SENP7: variants seen among roughly 807,000 people sequenced by gnomAD.
SENP7 encodes sentrin-specific protease 7.
In SENP7, 64 loss-of-function variants were observed where a neutral mutation model predicts 141.2. The ratio of observed to expected loss-of-function variants is 0.45; its 90% CI spans 0.37 to 0.56. SENP7 has a LOEUF of 0.56. Ranked by LOEUF, SENP7 falls within the 20% of genes least tolerant of loss-of-function variation. The probability of loss-of-function intolerance (pLI) is 0.00; values close to 1 mark genes in which losing one functional copy is unlikely to be tolerated. For missense variants in SENP7, 1,025 were observed against 1,212.2 expected (o/e 0.85, Z 2.29); for synonymous variants, 382 against 426.4 (o/e 0.90, Z 1.28).
chr3:101,326,956 T>G (rs2058916875), intron 23 of SENP7, among the ~76,000 whole-genome samples: 1 of 152,132 alleles, frequency 6.6e-6, no homozygotes, highest in African/African-American at 2.4e-5. Flanking sequence ...TATCTAGTCC[T>G]CTATTAAACT....
chr3:101,343,820 C>T lies in SENP7; in HGVS notation c.1972G>A (p.Val658Ile). Residue 658 changes from valine to isoleucine, a missense_variant, in exon 14 of 24, where the codon GTT becomes ATT. Coordinates refer to ENST00000394095, the MANE Select transcript of SENP7 (RefSeq NM_020654.5). ...ELELSYPLSWVQAFPLFQNLS... is the reference protein window; with the variant it reads ...ELELSYPLSWIQAFPLFQNLS... The stretch of plus-strand genomic sequence containing the variant: ...TTCTGAAACAAAGGAAATGCCTGAA[C>T]CCAAGACAACGGGTAAGAAAGCTCT... 1 of 1,613,876 alleles carries T rather than the reference C, an allele frequency of 6.2e-7. No individual in the cohort carries two copies. Among genetic ancestry groups the T allele is most frequent in the East Asian group, 2.2e-5 (1 of 44,824 alleles).
chr3:101,504,118 C>T (rs1388677525), intron 1 of SENP7, among the ~76,000 whole-genome samples: 1 of 151,948 alleles, frequency 6.6e-6, no homozygotes, highest in South Asian at 2.1e-4. Flanking sequence ...TCACTACATG[C>T]ACTTGCTGAG....
chr3:101,327,642 A>G, intron 23 of SENP7, 24 bp downstream of exon 23: 1 of 1,570,114 alleles, frequency 6.4e-7, no homozygotes, highest in Non-Finnish European at 8.6e-7. Context: ...TGTGAATTAA[A>G]AACTTATTTA....
At position 101,343,827 on chromosome 3, in the gene SENP7, C is replaced by G. The variant is rs200697324; in HGVS notation, c.1965G>C (p.Leu655Phe). Residue 655 changes from leucine to phenylalanine, a missense_variant, in exon 14 of 24, where the codon TTG becomes TTC. Physicochemically the swap from Leu to Phe is conservative, Grantham distance 22 (BLOSUM62 0). Coordinates refer to ENST00000394095, the MANE Select transcript of SENP7 (RefSeq NM_020654.5). ...ISGELELSYP[L>F]SWVQAFPLFQ... Reference sequence around the variant, plus strand: ...ACAAAGGAAATGCCTGAACCCAAGACAACGGGTAAGAAAGCTCTAATTCTC... The same window carrying G: ...ACAAAGGAAATGCCTGAACCCAAGAGAACGGGTAAGAAAGCTCTAATTCTC... 1.2e-6 allele frequency: 2 copies of G among 1,613,876 alleles called. No individual in the cohort carries two copies. The highest frequency in any genetic ancestry group is 1.7e-6 in the Non-Finnish European group (2 of 1,179,876).
intron 11 of SENP7, among the ~76,000 whole-genome samples, chr3:101,355,498 T>G (rs1278521048): frequency 6.6e-6 from 1 of 152,206 alleles, no homozygotes; most frequent in African/African-American, 2.4e-5. Context: ...TTTTGTCTGC[T>G]TTGTCAAAGA....
intron 3 of SENP7, among the ~76,000 whole-genome samples, chr3:101,484,649 C>T (rs1463787808): frequency 6.6e-6 from 1 of 152,092 alleles, no homozygotes; most frequent in Non-Finnish European, 1.5e-5. Flanking sequence ...GGAGAAGTTT[C>T]CGACCTAACC....
Position 101,361,708 on chromosome 3 carries a change from T to C in SENP7, c.1623+7A>G. 2.6e-6 allele frequency: 4 copies of C among 1,547,432 alleles called. No individual in the cohort carries two copies. The highest frequency in any genetic ancestry group is 1.3e-5 in the South Asian group (1 of 77,308). ...AACTAAAAGAAAATTAAAGAAAATA[T>C]ACTTACTGTAACACAACCTTTAGAA... On this transcript the variant is annotated splice_region_variant and intron_variant, in intron 11 of 23. Transcript: ENST00000394095.
intron 2 of SENP7, among the ~76,000 whole-genome samples, chr3:101,500,768 G>T (rs1225434040): frequency 1.3e-5 from 2 of 152,112 alleles, no homozygotes; most frequent in African/African-American, 4.8e-5. Flanking sequence ...ATGCACATTG[G>T]TACTCTAATA....
intron 4 of SENP7, among the ~76,000 whole-genome samples, chr3:101,418,961 A>G (rs1447399868): frequency 6.6e-6 from 1 of 152,220 alleles, no homozygotes. Flanking sequence ...GCTACAAACA[A>G]AATAGTTGAG....
At chr3:101,427,658 C>A (rs942271592) in intron 4 of SENP7, among the ~76,000 whole-genome samples, 1 of 151,564 alleles carries the variant, frequency 6.6e-6, no homozygotes, top group Non-Finnish European at 1.5e-5. Context: ...TTTTCTTTTT[C>A]TTTTTTTTCT....
chr3:101,414,855 G>C (rs532627378), intron 5 of SENP7, among the ~76,000 whole-genome samples: 5 of 152,102 alleles, frequency 3.3e-5, no homozygotes, highest in African/African-American at 7.2e-5. Context: ...AGATTTACAG[G>C]AGAGTTTTAG....
chr3:101,375,240 C>T (rs1457784698), intron 6 of SENP7, among the ~76,000 whole-genome samples: 1 of 151,980 alleles, frequency 6.6e-6, no homozygotes, highest in African/African-American at 2.4e-5. Flanking sequence ...TAGAGAACTG[C>T]GATATAAGAA....
chr3:101,426,948 C>T (rs1237657684), intron 4 of SENP7, among the ~76,000 whole-genome samples: 1 of 152,168 alleles, frequency 6.6e-6, no homozygotes, highest in Non-Finnish European at 1.5e-5. Flanking sequence ...AAAGCAACTA[C>T]AGAAACAAGT....
chr3:101,414,252 G>T, intron 5 of SENP7: 1 of 583,990 alleles, frequency 1.7e-6, no homozygotes, highest in South Asian at 1.9e-5. Flanking sequence ...GGTGACGAGT[G>T]GTAGAATCGA....
chr3:101,435,518 C>T (rs1190387123), intron 4 of SENP7, among the ~76,000 whole-genome samples: 1 of 151,946 alleles, frequency 6.6e-6, no homozygotes, highest in African/African-American at 2.4e-5. Flanking sequence ...ATGACATGAT[C>T]CAATGTTTGG....
At chr3:101,354,381 G>C (rs1478201541) in intron 11 of SENP7, among the ~76,000 whole-genome samples, 2 of 151,924 alleles carry the variant, frequency 1.3e-5, no homozygotes, top group Non-Finnish European at 2.9e-5. Flanking sequence ...CCTAGTACTC[G>C]ATAGTTATTT....
At chr3:101,466,709 C>T (rs974716047) in intron 3 of SENP7, among the ~76,000 whole-genome samples, 3 of 152,196 alleles carry the variant, frequency 2.0e-5, no homozygotes, top group South Asian at 4.2e-4. Context: ...GCCACAAAAT[C>T]GGGCATTCCA....
chr3:101,501,141 T>TA, intron 1 of SENP7, 22 bp from the exon 2 acceptor site: 1 of 1,565,240 alleles, frequency 6.4e-7, no homozygotes, highest in Non-Finnish European at 8.8e-7. Flanking sequence ...AAAGACGTGG[T>TA]AAAAATTATC....
At chr3:101,405,275 C>T (rs192656359) in intron 5 of SENP7, among the ~76,000 whole-genome samples, 7 of 152,264 alleles carry the variant, frequency 4.6e-5, no homozygotes, top group African/African-American at 1.7e-4. Flanking sequence ...AGACAACCGC[C>T]AGTACCAGCC....
Sources: gnomAD v4.1 joint callset for allele counts (sites outside exome capture counted in the v4.1 genomes callset) on GRCh38, gnomAD v4.1.1 for gene constraint, MANE v1.5 for transcripts, NCBI Gene and HGNC (gene_info 2026-07-23, HGNC 2026-07-21) for gene names.